Variants in LPIN3 observed in about 807,000 individuals in gnomAD.
LPIN3 encodes phosphatidate phosphatase LPIN3.
Under a neutral mutation model 94.7 loss-of-function variants are expected in LPIN3, and 82 were observed. The ratio of observed to expected loss-of-function variants is 0.87; its 90% CI spans 0.72 to 1.04. LPIN3 has a LOEUF of 1.04. Ranked by LOEUF, LPIN3 falls within the 50% of genes least tolerant of loss-of-function variation. The probability of loss-of-function intolerance (pLI) is 0.00; values close to 1 mark genes in which losing one functional copy is unlikely to be tolerated. For missense variants in LPIN3, 996 were observed against 1,090.5 expected (o/e 0.91, Z 1.22); for synonymous variants, 418 against 443.3 (o/e 0.94, Z 0.72).
At chr20:41,352,559 C>T (rs760168731) in intron 9 of LPIN3, 47 bp from the exon 10 acceptor site, 2 of 1,526,612 alleles carry the variant, frequency 1.3e-6, no homozygotes, top group Admixed American at 1.7e-5. Context: ...GGCAGCGGGT[C>T]ACATGGGATG....
chr20:41,355,816 T>G (rs1600738091), intron 13 of LPIN3, 80 bp from the exon 14 acceptor site: 2 of 1,562,372 alleles, frequency 1.3e-6, no homozygotes, highest in Non-Finnish European at 8.7e-7. Flanking sequence ...CGGGGACAGG[T>G]CCAGCCTCCT....
chr20:41,358,671 C>G, intron 19 of LPIN3, 51 bp from the exon 20 acceptor site: 1 of 1,607,550 alleles, frequency 6.2e-7, no homozygotes, highest in East Asian at 2.2e-5. Context: ...ATGGCCAAGG[C>G]CATCGTTTGG....
Position 41,349,832 on chromosome 20 carries a change from C to T in LPIN3, c.697C>T (p.Pro233Ser), listed in dbSNP as rs1200015453. The change falls in exon 6 of 20, where the codon CCG becomes TCG. Residue 233 changes from proline (P) to serine (S), a missense_variant. Pro to Ser is a moderately conservative substitution (Grantham distance 74). Coordinates refer to ENST00000373257, the MANE Select transcript of LPIN3 (RefSeq NM_022896.3). ...KSDSELEVRT[P>S]EPSPLRAESH... ...CGACTCGGAGCTGGAGGTGCGGACC[C>T]CGGAGCCCAGTCCCCTAAGAGCCGA... 1.3e-5 allele frequency: 21 copies of T among 1,613,570 alleles called. No individual in the cohort carries two copies. The highest frequency in any genetic ancestry group is 3.4e-6 in the Non-Finnish European group (4 of 1,180,050).
intron 14 of LPIN3, among the ~76,000 whole-genome samples, chr20:41,356,311 G>C (rs898230225): frequency 1.3e-5 from 2 of 152,190 alleles, no homozygotes; most frequent in African/African-American, 4.8e-5. Flanking sequence ...GCAGGCTCTA[G>C]GTCAGCCCTT....
At chr20:41,358,154 C>A (rs1436966518) in intron 17 of LPIN3, 83 bp from the exon 18 acceptor site, 4 of 1,570,362 alleles carry the variant, frequency 2.5e-6, no homozygotes, top group Non-Finnish European at 3.5e-6. Context: ...TGGGGTCAGA[C>A]CCCCCATCAC....
rs781628234 is a variant in LPIN3, at chr20:41,359,028, C to T, written c.*162C>T. 12 of 838,722 alleles carry T rather than the reference C, an allele frequency of 1.4e-5. No homozygotes were observed. The highest frequency in any genetic ancestry group is 3.7e-5 in the South Asian group (2 of 54,600). 52.0% of individuals were successfully genotyped at this position (838,722 alleles called of 1,614,324 possible). On this transcript the variant is annotated 3_prime_UTR_variant, in exon 20 of 20. Transcript: ENST00000373257. ...GCTAGAGAGACTCCCCCATCTTCCC[C>T]GTCATATTTTTGCCAGCTAAGCTGC...
rs753828249 is a variant in LPIN3, at chr20:41,349,766, T to C, written c.639-8T>C. On this transcript the variant is annotated splice_region_variant and splice_polypyrimidine_tract_variant and intron_variant, in intron 5 of 19. Coordinates refer to ENST00000373257, the MANE Select transcript of LPIN3 (RefSeq NM_022896.3). ...CAGGCTCAAGGCCTCTCAATATGTCTCCTGCAGCCTCTCAGCAGGTGAGCT... is the reference window on the plus strand; with the variant it reads ...CAGGCTCAAGGCCTCTCAATATGTCCCCTGCAGCCTCTCAGCAGGTGAGCT... 5.0e-6 allele frequency: 8 copies of C among 1,611,374 alleles called. No homozygotes were observed. The highest frequency in any genetic ancestry group is 1.7e-4 in the Middle Eastern group (1 of 6,046).
At chr20:41,350,426 C>T in intron 7 of LPIN3, 29 bp downstream of exon 7, 1 of 1,507,592 alleles carries the variant, frequency 6.6e-7, no homozygotes, top group Non-Finnish European at 8.9e-7. Context: ...CTCCCACTGC[C>T]TCCCTGGCCT....
intron 11 of LPIN3, 73 bp from the exon 12 acceptor site, chr20:41,354,572 G>A (rs1333887361): frequency 1.4e-6 from 2 of 1,429,382 alleles, no homozygotes; most frequent in Non-Finnish European, 1.9e-6. Flanking sequence ...TGCGTGGAGG[G>A]TCCCAAGAAC....
intron 1 of LPIN3, among the ~76,000 whole-genome samples, chr20:41,345,334 A>T (rs2045729342): frequency 6.6e-6 from 1 of 152,024 alleles, no homozygotes; most frequent in South Asian, 2.1e-4. Context: ...CCTCCTTCAT[A>T]GTTATGAGGC....
chr20:41,347,697 C>A, intron 3 of LPIN3, 50 bp downstream of exon 3: 1 of 1,492,806 alleles, frequency 6.7e-7, no homozygotes, highest in Non-Finnish European at 9.2e-7. Flanking sequence ...CTTTCCTGTG[C>A]CTCTTCTGGG....
In LPIN3 at chr20:41,358,814, T is replaced by C; in HGVS notation, c.2504T>C (p.Phe835Ser). 1 of 1,614,016 alleles carries C rather than the reference T, an allele frequency of 6.2e-7. No individual in the cohort carries two copies. Among genetic ancestry groups the C allele is most frequent in the Non-Finnish European group, 8.5e-7 (1 of 1,180,006 alleles). ...CTGGCCAACCCTGAATACAGTAACT[T>C]CTGCTACTGGCGGGAGCCACTGCCT... is the stretch of plus-strand genomic sequence containing the variant. The part of the protein sequence containing the change: ...TDLANPEYSN[F>S]CYWREPLPAV... Residue 835 changes from phenylalanine (F) to serine (S), a missense_variant, in exon 20 of 20, where the codon TTC (phenylalanine) becomes TCC (serine). Transcript: ENST00000373257.
rs530585975 is a variant in LPIN3, at chr20:41,358,126, C to T, written c.2192+92C>T. 6 of 1,583,078 alleles carry T rather than the reference C, an allele frequency of 3.8e-6. No individual in the cohort carries two copies. In the East Asian group the frequency reaches 1.3e-4, roughly 36 times the overall value. On this transcript the variant is annotated intron_variant, in intron 17 of 19. Transcript: ENST00000373257. Reference sequence around the variant, plus strand: ...AGCCTTAGCAGGCTGGCATTAAGCTCTCAGGTGGCAAGGAGGGTGGGGTCA... The same window carrying T: ...AGCCTTAGCAGGCTGGCATTAAGCTTTCAGGTGGCAAGGAGGGTGGGGTCA...
In LPIN3 at chr20:41,349,130, A is replaced by C. The variant is rs75823020; in HGVS notation, c.596A>C (p.Asp199Ala). The C allele has an allele frequency of 2.2e-3, 3,564 of 1,614,138 alleles. 81 individuals are homozygous for C. In the African/African-American group the frequency reaches 0.042, roughly 19 times the overall value. Reference protein sequence around the residue: ...LEEKSSLQPKDIYPYSDGEWP... With the variant: ...LEEKSSLQPKAIYPYSDGEWP... Reference sequence around the variant, plus strand: ...GAGAAGTCTTCACTGCAGCCCAAAGACATCTACCCCTACTCGGATGGCGAG... The same window carrying C: ...GAGAAGTCTTCACTGCAGCCCAAAGCCATCTACCCCTACTCGGATGGCGAG... Residue 199 changes from aspartate (D) to alanine (A), a missense_variant, in exon 5 of 20, where the codon GAC (aspartate) becomes GCC (alanine). By Grantham distance (126) the Asp-to-Ala change is moderately radical (BLOSUM62 -2). Coordinates refer to ENST00000373257, the MANE Select transcript of LPIN3 (RefSeq NM_022896.3).
Position 41,350,104 on chromosome 20 carries a change from C to CT in LPIN3, c.810dup (p.Gly271TrpfsTer40). 1.9e-6 allele frequency: 3 copies of CT among 1,610,592 alleles called. No homozygotes were observed. In the South Asian group the frequency reaches 3.3e-5, roughly 18 times the overall value. ...TCCTCAGTGGTCCTTGAAGGCAGAG[C>CT]TGGGGCAACCTCTCCTCCTCGGGGA... On this transcript the variant is annotated frameshift_variant, in exon 7 of 20. Coordinates refer to ENST00000373257, the MANE Select transcript of LPIN3 (RefSeq NM_022896.3). LOFTEE classifies it high-confidence loss of function.
chr20:41,357,783 C>G, intron 16 of LPIN3, 99 bp from the exon 17 acceptor site: 1 of 1,489,696 alleles, frequency 6.7e-7, no homozygotes, highest in Non-Finnish European at 9.2e-7. Flanking sequence ...GTTGGAACAT[C>G]AGAGTCCCAC....
chr20:41,345,026 G>T (rs1360459640), intron 1 of LPIN3, among the ~76,000 whole-genome samples: 3 of 152,170 alleles, frequency 2.0e-5, no homozygotes, highest in Non-Finnish European at 2.9e-5. Flanking sequence ...TGAGTACCTG[G>T]GGTGCTCCCA....
At position 41,357,978 on chromosome 20, in the gene LPIN3, C is replaced by T; in HGVS notation, c.2136C>T (p.Ser712=). Residue 712 remains serine, a synonymous_variant, in exon 17 of 20, where the codon AGC becomes AGT. Transcript: ENST00000373257. ...AGTGGGTGAGCGAGGGGGGCTGTAG[C>T]CTCCCCAAGGGCCCCATCCTTCTGT... is the stretch of plus-strand genomic sequence containing the variant. ...YLQWVSEGGC[S]LPKGPILLSP... 6.2e-7 allele frequency: 1 copy of T among 1,613,024 alleles called. No homozygotes were observed. Among genetic ancestry groups the T allele is most frequent in the Non-Finnish European group, 8.5e-7 (1 of 1,179,544 alleles).
intron 19 of LPIN3, 26 bp downstream of exon 19, chr20:41,358,568 C>T: frequency 6.2e-7 from 1 of 1,611,476 alleles, no homozygotes; most frequent in African/African-American, 1.3e-5. Flanking sequence ...GCCATGTTCC[C>T]CATGCCCTAC....
Sources: allele counts gnomAD v4.1 joint callset (sites outside exome capture counted in the v4.1 genomes callset), GRCh38; gene constraint gnomAD v4.1.1; transcripts MANE v1.5; gene names NCBI Gene and HGNC (gene_info 2026-07-23, HGNC 2026-07-21).